HESX1: variants seen among roughly 807,000 people sequenced by gnomAD.
HESX1 encodes homeobox expressed in ES cells 1.
HESX1 carries 11 observed loss-of-function variants against 22.5 expected under a neutral mutation model. That is an observed-to-expected ratio of 0.49 (90% CI 0.31 to 0.81). The LOEUF (loss-of-function observed/expected upper bound fraction) is 0.81. HESX1 is among the 30% of genes least tolerant of loss of function. The pLI is 0.05. For synonymous variants in HESX1, 74 were observed against 76.5 expected, an observed-to-expected ratio of 0.97 and a Z score of 0.17; for missense variants, 201 against 212.6, an observed-to-expected ratio of 0.95 and a Z score of 0.34.
At chr3:57,200,114 A>T, upstream of HESX1, 1 of 588,200 alleles carries the variant, frequency 1.7e-6, no homozygotes, top group African/African-American at 1.9e-5. Flanking sequence ...CAGCTTAAGG[A>T]GTTAATTGTT....
At chr3:57,204,472 A>G (rs73084711), upstream of HESX1, among the ~76,000 whole-genome samples, 1,691 of 152,362 alleles carry the variant, frequency 0.011, 12 homozygotes, top group Middle Eastern at 0.02. Context: ...GCTTGAGCAA[A>G]TACAATGCCA....
chr3:57,209,273 CACAG>C (rs1321996635), intron 1 of HESX1, among the ~76,000 whole-genome samples: 30 of 152,172 alleles, frequency 2.0e-4, no homozygotes, highest in African/African-American at 6.3e-4. Context: ...AACAGAATAA[CACAG>C]ACAGAGAACA....
intron 1 of HESX1, among the ~76,000 whole-genome samples, chr3:57,213,548 T>A (rs2060567317): frequency 6.6e-6 from 1 of 152,256 alleles, no homozygotes; most frequent in South Asian, 2.1e-4. Context: ...CGCTGTAGAT[T>A]AAATGGGAGT....
intron 1 of HESX1, among the ~76,000 whole-genome samples, chr3:57,205,453 T>C (rs1377931421): frequency 6.6e-6 from 1 of 152,048 alleles, no homozygotes; most frequent in Non-Finnish European, 1.5e-5. Flanking sequence ...AGTCAAAGTC[T>C]TTACAATGGC....
chr3:57,209,671 C>CAAAAAAAAAAAAAAAAAAAAA (rs71088042), intron 1 of HESX1, among the ~76,000 whole-genome samples: 1 of 82,142 alleles, frequency 1.2e-5, no homozygotes, highest in Non-Finnish European at 2.4e-5. Context: ...AGCTCCATCT[C>CAAAAAAAAAAAAAAAAAAAAA]AAAAAAAAAA....
chr3:57,219,160 G>A (rs760188575), intron 1 of HESX1, among the ~76,000 whole-genome samples: 1 of 151,954 alleles, frequency 6.6e-6, no homozygotes, highest in South Asian at 2.1e-4. Flanking sequence ...ATTTAGCTCC[G>A]ATTTGTAAGT....
upstream of HESX1, among the ~76,000 whole-genome samples, chr3:57,200,361 C>G (rs746705801): frequency 6.6e-6 from 1 of 152,114 alleles, no homozygotes; most frequent in African/African-American, 2.4e-5. Context: ...GATACGAGAG[C>G]AGTCGAGTAA....
intron 1 of HESX1, among the ~76,000 whole-genome samples, chr3:57,216,667 A>T (rs2060584590): frequency 6.6e-6 from 1 of 152,164 alleles, no homozygotes; most frequent in Non-Finnish European, 1.5e-5. Context: ...CAGGTTGAGC[A>T]TCTTTGGTAG....
At chr3:57,203,283 A>T (rs2060500393), upstream of HESX1, among the ~76,000 whole-genome samples, 1 of 152,174 alleles carries the variant, frequency 6.6e-6, no homozygotes, top group African/African-American at 2.4e-5. Flanking sequence ...TGGTGAAAAC[A>T]AAGACAATTG....
chr3:57,219,236 C>T (rs1474065029), intron 1 of HESX1, among the ~76,000 whole-genome samples: 2 of 152,138 alleles, frequency 1.3e-5, no homozygotes, highest in Admixed American at 1.3e-4. Flanking sequence ...CCTACAGCTC[C>T]CTACAGATGG....
intron 1 of HESX1, among the ~76,000 whole-genome samples, chr3:57,215,384 T>C (rs188365070): frequency 6.6e-6 from 1 of 152,306 alleles, no homozygotes; most frequent in Admixed American, 6.5e-5. Context: ...ATATTTTACT[T>C]TGAGTGCCCA....
At chr3:57,204,516 G>A (rs2060508949), upstream of HESX1, among the ~76,000 whole-genome samples, 1 of 152,206 alleles carries the variant, frequency 6.6e-6, no homozygotes, top group East Asian at 1.9e-4. Context: ...GCTAGGGAAG[G>A]AAAGGTTTGG....
upstream of HESX1, among the ~76,000 whole-genome samples, chr3:57,200,247 A>C (rs2060478141): frequency 6.6e-6 from 1 of 152,226 alleles, no homozygotes. Flanking sequence ...TGATGCACAA[A>C]TGTGGCACTT....
chr3:57,213,989 G>A (rs1170757161), intron 1 of HESX1, among the ~76,000 whole-genome samples: 2 of 152,286 alleles, frequency 1.3e-5, no homozygotes, highest in African/African-American at 2.4e-5. Flanking sequence ...TTATCAGGGA[G>A]TGCACTAGGA....
At chr3:57,215,335 T>C (rs907168278) in intron 1 of HESX1, among the ~76,000 whole-genome samples, 2 of 152,176 alleles carry the variant, frequency 1.3e-5, no homozygotes, top group African/African-American at 4.8e-5. Context: ...TAGGTTCTCA[T>C]AAAAGTAGGG....
intron 1 of HESX1, among the ~76,000 whole-genome samples, chr3:57,217,390 A>T (rs546570065): frequency 6.6e-6 from 1 of 152,298 alleles, no homozygotes; most frequent in South Asian, 2.1e-4. Context: ...CCATATTTGT[A>T]ATCCCTTTGA....
Position 57,198,177 on chromosome 3 carries a change from T to G in HESX1, c.*20A>C. The stretch of plus-strand genomic sequence containing the variant: ...CATGCTCTGCAATTAGAAGATAATT[T>G]CACTTGTTTAGTTTTCTATCTATTC... On this transcript the variant is annotated 3_prime_UTR_variant, in exon 4 of 4. Coordinates refer to ENST00000295934, the MANE Select transcript of HESX1 (RefSeq NM_003865.3). 7.1e-7 allele frequency: 1 copy of G among 1,407,370 alleles called. No individual in the cohort carries two copies. Among genetic ancestry groups the G allele is most frequent in the Non-Finnish European group, 1.0e-6 (1 of 992,616 alleles). The allele number at this position is 1,407,370 out of a possible 1,614,324, so 87.2% of individuals were successfully genotyped here.
chr3:57,223,540 C>T (rs2060626635), intron 1 of HESX1, among the ~76,000 whole-genome samples: 1 of 152,154 alleles, frequency 6.6e-6, no homozygotes, highest in Admixed American at 6.5e-5. Flanking sequence ...ACCAGTTGGT[C>T]CTTAGTGCCC....
At position 57,199,922 on chromosome 3, in the gene HESX1, C is replaced by G. The variant is rs765875766; in HGVS notation, c.-4G>C. The G allele has an allele frequency of 6.8e-6, 11 of 1,613,588 alleles. No homozygotes were observed. Among genetic ancestry groups the G allele is most frequent in the Non-Finnish European group, 8.5e-6 (10 of 1,179,830 alleles). ...CTTCCTGAAGGCTGGGAGACATCCT[C>G]TCGTGGTCTGCACAGAGCAACAGCT... is the stretch of plus-strand genomic sequence containing the variant. On this transcript the variant is annotated 5_prime_UTR_variant, in exon 1 of 4. Coordinates refer to ENST00000295934, the MANE Select transcript of HESX1 (RefSeq NM_003865.3).
Sources: gnomAD v4.1 joint callset for allele counts (sites outside exome capture counted in the v4.1 genomes callset) on GRCh38, gnomAD v4.1.1 for gene constraint, MANE v1.5 for transcripts, NCBI Gene and HGNC (gene_info 2026-07-23, HGNC 2026-07-21) for gene names.